JAKMIP1: variants seen among roughly 807,000 people sequenced by gnomAD.
JAKMIP1 encodes janus kinase and microtubule-interacting protein 1.
Under a neutral mutation model 113.0 loss-of-function variants are expected in JAKMIP1, and 33 were observed. The ratio of observed to expected loss-of-function variants is 0.29; its 90% CI spans 0.22 to 0.39. JAKMIP1 has a LOEUF of 0.39. Among genes scored for constraint, JAKMIP1 ranks in the 10% least tolerant of loss-of-function variants. The pLI, the probability that JAKMIP1 is intolerant of heterozygous loss-of-function variation, is 1.00. For synonymous variants in JAKMIP1, 480 were observed against 459.9 expected (o/e 1.04, Z -0.56); for missense variants, 813 against 1,080.5 (o/e 0.75, Z 3.47).
rs921634779 is a variant in JAKMIP1 at position 6,135,653 on chromosome 4, C to A, written c.-147-22656G>T. Reference sequence around the variant, plus strand: ...TCTAGTTCCCTGCATACCACTGCATCAACCATACCACCCCCGCTGAGAAGT... The same window carrying A: ...TCTAGTTCCCTGCATACCACTGCATAAACCATACCACCCCCGCTGAGAAGT... On this transcript the variant is annotated intron_variant, in intron 1 of 20. Coordinates refer to ENST00000409021, the MANE Select transcript of JAKMIP1 (RefSeq NM_001099433.2). This position sits in a 1 kb window ranked among gnomAD's most constrained non-coding sequence, Gnocchi z 4.9. Among the ~76,000 whole-genome samples the A allele has an allele frequency of 6.6e-6, 1 of 152,168 alleles. No homozygotes were observed.
intron 12 of JAKMIP1, chr4:6,054,679 T>C (rs16838127): frequency 0.18 from 82,279 of 454,172 alleles, 10,549 homozygotes; most frequent in African/African-American, 0.48. Context: ...GTGTGGGAAG[T>C]GACACCGCCT....
chr4:6,135,303 A>T lies in JAKMIP1; in HGVS notation c.-147-22306T>A, dbSNP rs527743055. ...ACGGATGTCCTAACAATACGAGGAAAATAGGACACAGACACATAGAAGGAA... is the reference window on the plus strand; with the variant it reads ...ACGGATGTCCTAACAATACGAGGAATATAGGACACAGACACATAGAAGGAA... On this transcript the variant is annotated intron_variant, in intron 1 of 20. Transcript: ENST00000409021. This position sits in a 1 kb window ranked among gnomAD's most constrained non-coding sequence, Gnocchi z 4.9. Among the ~76,000 whole-genome samples the T allele has an allele frequency of 3.3e-5, 5 of 152,166 alleles. No individual in the cohort carries two copies. Among genetic ancestry groups the T allele is most frequent in the African/African-American group, 1.2e-4 (5 of 41,424 alleles).
Position 6,050,795 on chromosome 4 carries a change from A to G in JAKMIP1, c.1807-116T>C, listed in dbSNP as rs1578092787. The stretch of plus-strand genomic sequence containing the variant: ...TCCAGTGGGCACAGACGTTACTAAA[A>G]AGCACGAGTTCGGACTAGAAGCAGC... On this transcript the variant is annotated intron_variant, in intron 13 of 20. Coordinates refer to ENST00000409021, the MANE Select transcript of JAKMIP1 (RefSeq NM_001099433.2). This position sits in a 1 kb window ranked among gnomAD's most constrained non-coding sequence, Gnocchi z 7.4. The G allele has an allele frequency of 1.0e-5, 8 of 795,956 alleles. No homozygotes were observed. The highest frequency in any genetic ancestry group is 2.4e-5 in the Admixed American group (1 of 41,162). The allele number at this position is 795,956 out of a possible 1,614,324, so 49.3% of individuals were successfully genotyped here.
chr4:6,078,175 C>T (rs535816871), intron 8 of JAKMIP1, among the ~76,000 whole-genome samples: 1 of 152,124 alleles, frequency 6.6e-6, no homozygotes, highest in East Asian at 1.9e-4. Flanking sequence ...TTTAGCCGGG[C>T]GTGGTGGCAT....
Position 6,054,086 on chromosome 4 carries a change from C to G in JAKMIP1, c.1770G>C (p.Gln590His), listed in dbSNP as rs201616195. The G allele has an allele frequency of 6.2e-7, 1 of 1,614,038 alleles. No homozygotes were observed. The highest frequency in any genetic ancestry group is 8.5e-7 in the Non-Finnish European group (1 of 1,179,980). ...LKNEMQDAKD[Q>H]NELLEFRVLE... is the part of the protein sequence containing the mutation. Reference sequence around the variant, plus strand: ...GCACTCTGAATTCTAACAGCTCGTTCTGATCCTTGGCGTCTTGCATTTCAT... The same window carrying G: ...GCACTCTGAATTCTAACAGCTCGTTGTGATCCTTGGCGTCTTGCATTTCAT... Residue 590 changes from glutamine (Q) to histidine (H), a missense_variant, in exon 13 of 21, where the codon CAG becomes CAC. Physicochemically the swap from Gln to His is conservative, Grantham distance 24. This residue lies in a region of JAKMIP1 where 273 missense variants were observed against 426.6 expected (regional missense o/e 0.64). Transcript: ENST00000409021.
rs6845360 is a variant in JAKMIP1, at chr4:6,088,914, C to T, written c.625-3285G>A. ...CATGTGCAGTAGGAAAGGGGTGGAACGAACATCACTGCAAGTTCCCAGGGC... is the reference window on the plus strand; with the variant it reads ...CATGTGCAGTAGGAAAGGGGTGGAATGAACATCACTGCAAGTTCCCAGGGC... On this transcript the variant is annotated intron_variant, in intron 3 of 20. Transcript: ENST00000409021. The surrounding 1 kb of genome is among the most constrained non-coding windows in gnomAD (Gnocchi z 5.5). Among the ~76,000 whole-genome samples the T allele has an allele frequency of 0.024, 3,680 of 152,248 alleles. 131 individuals carry two copies. Among genetic ancestry groups the T allele is most frequent in the African/African-American group, 0.069 (2,872 of 41,538 alleles).
At position 6,085,302 on chromosome 4, in the gene JAKMIP1, GTGAA is replaced by G. The variant is rs1299407670; in HGVS notation, c.834+114_834+117del. The G allele has an allele frequency of 8.6e-6, 7 of 814,296 alleles. No homozygotes were observed. In the African/African-American group the frequency reaches 9.1e-5, roughly 11 times the overall value. 50.4% of individuals were successfully genotyped at this position (814,296 alleles called of 1,614,324 possible). ...CTTATAACATCCCCTCCAATACTGA[GTGAA>G]TGAATGAATGAGTGAATACATGCCA... On this transcript the variant is annotated intron_variant, in intron 4 of 20. Transcript: ENST00000409021.
intron 2 of JAKMIP1, among the ~76,000 whole-genome samples, chr4:6,109,163 C>T (rs1188839156): frequency 5.4e-5 from 7 of 129,934 alleles, no homozygotes; most frequent in African/African-American, 1.8e-4. Context: ...GTCGGAGTCT[C>T]GCTCTGTCCC....
intron 12 of JAKMIP1, 140 bp downstream of exon 12, chr4:6,056,557 T>C: frequency 1.5e-6 from 1 of 680,062 alleles, no homozygotes. Flanking sequence ...ACATCTCTCC[T>C]CATGGGAGGT....
At chr4:6,117,818 C>T (rs1243235199) in intron 1 of JAKMIP1, among the ~76,000 whole-genome samples, 4 of 152,312 alleles carry the variant, frequency 2.6e-5, no homozygotes, top group Middle Eastern at 3.4e-3. Flanking sequence ...ATATTTCTCC[C>T]ATTTGCTTTT....
Position 6,086,679 on chromosome 4 carries a change from C to T in JAKMIP1, c.625-1050G>A, listed in dbSNP as rs994372671. Among the ~76,000 whole-genome samples the T allele has an allele frequency of 1.3e-5, 2 of 152,110 alleles. No individual in the cohort carries two copies. Among genetic ancestry groups the T allele is most frequent in the African/African-American group, 4.8e-5 (2 of 41,420 alleles). The stretch of plus-strand genomic sequence containing the variant: ...CTGTCCTGGTTGAATAGCAGGCCCC[C>T]AAGACCCATGGCCTTCCTGGAACTT... On this transcript the variant is annotated intron_variant, in intron 3 of 20. Transcript: ENST00000409021. The surrounding 1 kb of genome is among the most constrained non-coding windows in gnomAD (Gnocchi z 4.1).
rs1417830207 is a variant in JAKMIP1, at chr4:6,168,888, G to A, written c.-148+31365C>T. ...TGCACTCCAGCCTAGGTGACAGAGTGAGAGCCTGTCTCAAAAAATAAAAAC... is the reference window on the plus strand; with the variant it reads ...TGCACTCCAGCCTAGGTGACAGAGTAAGAGCCTGTCTCAAAAAATAAAAAC... On this transcript the variant is annotated intron_variant, in intron 1 of 20. Coordinates refer to ENST00000409021, the MANE Select transcript of JAKMIP1 (RefSeq NM_001099433.2). The surrounding 1 kb of genome is among the most constrained non-coding windows in gnomAD (Gnocchi z 4.6). Among the ~76,000 whole-genome samples, 2 of 151,622 alleles carry A rather than the reference G, an allele frequency of 1.3e-5. No homozygotes were observed. The highest frequency in any genetic ancestry group is 4.9e-5 in the African/African-American group (2 of 41,140).
Position 6,140,616 on chromosome 4 carries a change from G to C in JAKMIP1, c.-147-27619C>G, listed in dbSNP as rs940557861. 6.6e-6 allele frequency among the ~76,000 whole-genome samples: 1 copy of C among 152,066 alleles called. No homozygotes were observed. Among genetic ancestry groups the C allele is most frequent in the African/African-American group, 2.4e-5 (1 of 41,356 alleles). On this transcript the variant is annotated intron_variant, in intron 1 of 20. Transcript: ENST00000409021. The surrounding 1 kb of genome is among the most constrained non-coding windows in gnomAD (Gnocchi z 9.4). ...CCTCTGTCCCCACTGCTCCTGGAGG[G>C]GTGGAGAAATACATGATTTTGTTTA... is the stretch of plus-strand genomic sequence containing the variant.
At chr4:6,169,339 A>G (rs1448785419) in intron 1 of JAKMIP1, among the ~76,000 whole-genome samples, 1 of 152,126 alleles carries the variant, frequency 6.6e-6, no homozygotes, top group Admixed American at 6.5e-5. Flanking sequence ...CTTATAAAAG[A>G]TACTCAGACA....
chr4:6,176,510 G>A lies in JAKMIP1; in HGVS notation c.-148+23743C>T, dbSNP rs532971863. On this transcript the variant is annotated intron_variant, in intron 1 of 20. Transcript: ENST00000409021. The surrounding 1 kb of genome is among the most constrained non-coding windows in gnomAD (Gnocchi z 5.5). ...CTCCTCAGTACTCCTACCACAGGAC[G>A]GTTGTTCTGTAGAAACAAGACGCAG... Among the ~76,000 whole-genome samples the A allele has an allele frequency of 1.3e-5, 2 of 152,136 alleles. No individual in the cohort carries two copies. Among genetic ancestry groups the A allele is most frequent in the African/African-American group, 2.4e-5 (1 of 41,418 alleles).
At chr4:6,124,629 C>A (rs1285034430) in intron 1 of JAKMIP1, among the ~76,000 whole-genome samples, 1 of 152,236 alleles carries the variant, frequency 6.6e-6, no homozygotes, top group African/African-American at 2.4e-5. Flanking sequence ...CCGTTCCCTG[C>A]TGATGCCCTG....
intron 8 of JAKMIP1, among the ~76,000 whole-genome samples, chr4:6,072,658 G>A (rs572535470): frequency 9.8e-5 from 15 of 152,308 alleles, no homozygotes; most frequent in South Asian, 2.1e-4. Flanking sequence ...CAGCAGCTTC[G>A]AGTAGCTGGA....
intron 8 of JAKMIP1, among the ~76,000 whole-genome samples, chr4:6,073,518 T>C (rs1190713903): frequency 6.6e-6 from 1 of 152,148 alleles, no homozygotes; most frequent in Non-Finnish European, 1.5e-5. Flanking sequence ...CTCACTATTA[T>C]AAATTAGTGG....
chr4:6,196,873 AAAC>A (rs927484126), intron 1 of JAKMIP1, among the ~76,000 whole-genome samples: 6 of 150,500 alleles, frequency 4.0e-5, no homozygotes, highest in African/African-American at 1.5e-4. Context: ...AAAAAAAAAA[AAAC>A]AAAAGCACCA....
Sources: gnomAD v4.1 joint callset for allele counts (sites outside exome capture counted in the v4.1 genomes callset) on GRCh38, gnomAD v4.1.1 for gene constraint, gnomAD v4.1.1 regional missense constraint, Gnocchi (gnomAD v3.1) non-coding constraint, MANE v1.5 for transcripts, NCBI Gene and HGNC (gene_info 2026-07-23, HGNC 2026-07-21) for gene names.